FHOD3: variants seen among roughly 807,000 people sequenced by gnomAD.
FHOD3 encodes the protein FH1/FH2 domain-containing protein 3.
Under a neutral mutation model 173.0 loss-of-function variants are expected in FHOD3, and 90 were observed. The observed-to-expected ratio is 0.52, with a 90% CI of 0.44 to 0.62. The LOEUF (loss-of-function observed/expected upper bound fraction) is 0.62. Among genes scored for constraint, FHOD3 ranks in the 20% least tolerant of loss-of-function variants. FHOD3 has a pLI of 0.00. For missense variants in FHOD3, 1,945 were observed against 2,034.7 expected (o/e 0.96, Z 0.85); for synonymous variants, 828 against 823.0 (o/e 1.01, Z -0.10).
At chr18:36,739,275 A>G (rs2041789698) in intron 20 of FHOD3, among the ~76,000 whole-genome samples, 1 of 152,182 alleles carries the variant, frequency 6.6e-6, no homozygotes, top group African/African-American at 2.4e-5. Context: ...TTGAAAATAG[A>G]TTTACATGAG....
At chr18:36,725,233 T>G (rs1462474234) in intron 19 of FHOD3, among the ~76,000 whole-genome samples, 1 of 152,178 alleles carries the variant, frequency 6.6e-6, no homozygotes, top group East Asian at 1.9e-4. Context: ...TGTTCTTTTA[T>G]CGACAAATTA....
At chr18:36,312,482 G>GC (rs1454413806) in intron 1 of FHOD3, among the ~76,000 whole-genome samples, 1 of 152,086 alleles carries the variant, frequency 6.6e-6, no homozygotes, top group Admixed American at 6.5e-5. Flanking sequence ...CATTGAACCT[G>GC]CCCCGCATCT....
chr18:36,405,007 G>A (rs961587488), intron 3 of FHOD3, among the ~76,000 whole-genome samples: 1 of 152,132 alleles, frequency 6.6e-6, no homozygotes, highest in Non-Finnish European at 1.5e-5. Flanking sequence ...GTTTTTCCAG[G>A]TGATCCTACC....
At chr18:36,698,974 A>G (rs1280172921) in intron 17 of FHOD3, among the ~76,000 whole-genome samples, 1 of 152,194 alleles carries the variant, frequency 6.6e-6, no homozygotes, top group Non-Finnish European at 1.5e-5. Context: ...CGTTTGTCCC[A>G]GAGGGAGACA....
intron 1 of FHOD3, among the ~76,000 whole-genome samples, chr18:36,315,252 T>C (rs1273103973): frequency 6.6e-6 from 1 of 152,236 alleles, no homozygotes; most frequent in Non-Finnish European, 1.5e-5. Flanking sequence ...AAATTGTGAC[T>C]GGCTTATGTT....
At position 36,652,593 on chromosome 18, in the gene FHOD3, A is replaced by G; in HGVS notation, c.1310A>G (p.Gln437Arg). 6.5e-7 allele frequency: 1 copy of G among 1,534,186 alleles called. No individual in the cohort carries two copies. Among genetic ancestry groups the G allele is most frequent in the Non-Finnish European group, 8.7e-7 (1 of 1,146,352 alleles). The stretch of plus-strand genomic sequence containing the variant: ...AGCAAGGTCGGCGCTGCCTCAGGGC[A>G]GAGCCCCACTGGAAGGGATGCTGCT... ...KDSKVGAASG[Q>R]SPTGRDAAPK... Residue 437 changes from glutamine (Q) to arginine (R), a missense_variant, in exon 12 of 29, where the codon CAG (glutamine) becomes CGG (arginine). Gln to Arg is a conservative substitution (Grantham distance 43, BLOSUM62 1). Transcript: ENST00000590592.
At position 36,748,415 on chromosome 18, in the gene FHOD3, ACACG is replaced by A. The variant is rs1474873539; in HGVS notation, c.4232+1281_4232+1284del. Among the ~76,000 whole-genome samples the A allele has an allele frequency of 1.1e-3, 164 of 150,364 alleles. 1 individual carries two copies. The highest frequency in any genetic ancestry group is 6.8e-3 in the Middle Eastern group (2 of 294). ...CACACACACACACACACACACACAC[ACACG>A]GAGAGAGAACCAACTATTATTTGGA... On this transcript the variant is annotated intron_variant, in intron 24 of 28. Transcript: ENST00000590592.
Position 36,501,950 on chromosome 18 carries a change from G to A in FHOD3, c.356G>A (p.Ser119Asn). The A allele has an allele frequency of 6.2e-7, 1 of 1,605,008 alleles. No individual in the cohort carries two copies. The change falls in exon 4 of 29, where the codon AGC becomes AAC. Residue 119 changes from serine to asparagine, a missense_variant. By Grantham distance (46) the Ser-to-Asn change is conservative. Around this residue, in one of 5 missense-constraint regions of FHOD3, gnomAD observed 245 missense variants for 267.7 expected, o/e 0.92. Transcript: ENST00000590592. Reference sequence around the variant, plus strand: ...ATTTCAGAAAAACTATACAACTCCAGCGGACGAGATTTGAGAAGGGCCCTC... The same window carrying A: ...ATTTCAGAAAAACTATACAACTCCAACGGACGAGATTTGAGAAGGGCCCTC... ...HACIEKLYNSSGRDLRRALFS... is the reference protein window; with the variant it reads ...HACIEKLYNSNGRDLRRALFS...
chr18:36,579,452 G>A (rs1482082890), intron 6 of FHOD3, among the ~76,000 whole-genome samples: 1 of 152,216 alleles, frequency 6.6e-6, no homozygotes, highest in African/African-American at 2.4e-5. Context: ...GTATGGGGAA[G>A]AATCACTGTG....
chr18:36,337,232 T>C (rs1367988575), intron 1 of FHOD3, among the ~76,000 whole-genome samples: 1 of 151,396 alleles, frequency 6.6e-6, no homozygotes, highest in African/African-American at 2.4e-5. Flanking sequence ...GACTCACAAA[T>C]GAGCTAACTT....
At chr18:36,592,703 G>C (rs1429033778) in intron 6 of FHOD3, among the ~76,000 whole-genome samples, 1 of 152,168 alleles carries the variant, frequency 6.6e-6, no homozygotes, top group Non-Finnish European at 1.5e-5. Flanking sequence ...TGGGGTGAGG[G>C]AAGTGCAGGC....
intron 10 of FHOD3, among the ~76,000 whole-genome samples, chr18:36,627,748 G>A (rs1263178022): frequency 6.6e-6 from 1 of 152,164 alleles, no homozygotes; most frequent in African/African-American, 2.4e-5. Flanking sequence ...TTGATGAGGT[G>A]GGAGTGCGAT....
At chr18:36,766,976 A>G (rs1053951580) in intron 27 of FHOD3, among the ~76,000 whole-genome samples, 4 of 152,192 alleles carry the variant, frequency 2.6e-5, no homozygotes, top group Non-Finnish European at 5.9e-5. Flanking sequence ...GTAAAACACA[A>G]TTGCATGATT....
At chr18:36,345,486 T>G (rs2045837360) in intron 1 of FHOD3, among the ~76,000 whole-genome samples, 1 of 152,204 alleles carries the variant, frequency 6.6e-6, no homozygotes, top group South Asian at 2.1e-4. Context: ...TTGCCCAGGC[T>G]AGAGTGCAGT....
intron 3 of FHOD3, among the ~76,000 whole-genome samples, chr18:36,462,038 A>C (rs1206085705): frequency 1.3e-5 from 2 of 152,336 alleles, no homozygotes. Flanking sequence ...AAGTGAAAGT[A>C]GTTGTGGTAA....
intron 27 of FHOD3, among the ~76,000 whole-genome samples, chr18:36,761,160 G>A (rs9955569): frequency 0.075 from 11,390 of 152,152 alleles, 1,378 homozygotes; most frequent in African/African-American, 0.26. Context: ...TACTTTGGCA[G>A]AGTTGAGCCA....
At position 36,739,640 on chromosome 18, in the gene FHOD3, G is replaced by A. The variant is rs75570103; in HGVS notation, c.3577-1016G>A. On this transcript the variant is annotated intron_variant, in intron 20 of 28. Coordinates refer to ENST00000590592, the MANE Select transcript of FHOD3 (RefSeq NM_001281740.3). ...GTGTTTATTATTTGTTTCTATCTTC[G>A]ATTGCTTTCATCAGCATTTTCTAGT... is the stretch of plus-strand genomic sequence containing the variant. 7.8e-3 allele frequency among the ~76,000 whole-genome samples: 1,187 copies of A among 152,150 alleles called. 11 individuals carry two copies. The highest frequency in any genetic ancestry group is 0.027 in the African/African-American group (1,135 of 41,504).
chr18:36,368,911 C>G (rs1472231800), intron 2 of FHOD3, among the ~76,000 whole-genome samples: 1 of 152,174 alleles, frequency 6.6e-6, no homozygotes, highest in African/African-American at 2.4e-5. Context: ...CACCAGGTCC[C>G]TCCCTCACAC....
intron 10 of FHOD3, among the ~76,000 whole-genome samples, chr18:36,639,814 G>GTT (rs35647519): frequency 0.29 from 42,716 of 145,748 alleles, 6,467 homozygotes; most frequent in South Asian, 0.43. Flanking sequence ...AGAATAAAGT[G>GTT]TTTTTTTTTT....
Sources: gnomAD v4.1 joint callset for allele counts (sites outside exome capture counted in the v4.1 genomes callset) on GRCh38, gnomAD v4.1.1 for gene constraint, gnomAD v4.1.1 regional missense constraint, MANE v1.5 for transcripts, NCBI Gene and HGNC (gene_info 2026-07-23, HGNC 2026-07-21) for gene names.